TNRC6A: variants seen among roughly 807,000 people sequenced by gnomAD.
TNRC6A encodes trinucleotide repeat containing adaptor 6A, also known as trinucleotide repeat-containing gene 6A protein.
Under a neutral mutation model 221.2 loss-of-function variants are expected in TNRC6A, and 44 were observed. That is an observed-to-expected ratio of 0.20 (90% CI 0.16 to 0.26). The LOEUF (loss-of-function observed/expected upper bound fraction) is 0.26. Among genes scored for constraint, TNRC6A ranks in the 10% least tolerant of loss-of-function variants. The pLI, the probability that TNRC6A is intolerant of heterozygous loss-of-function variation, is 1.00. For missense variants in TNRC6A, 2,199 were observed against 2,404.4 expected (o/e 0.91, Z 1.79); for synonymous variants, 847 against 838.5 (o/e 1.01, Z -0.18).
intron 2 of TNRC6A, among the ~76,000 whole-genome samples, chr16:24,695,983 C>T (rs973699793): frequency 4.6e-5 from 7 of 152,008 alleles, no homozygotes; most frequent in African/African-American, 1.7e-4. Context: ...GATAGGATTA[C>T]GATGTTATTG....
chr16:24,634,397 T>C (rs1414964166), intron 1 of TNRC6A, among the ~76,000 whole-genome samples: 2 of 151,818 alleles, frequency 1.3e-5, no homozygotes, highest in African/African-American at 4.8e-5. Context: ...GCCACTACAC[T>C]CCAGCCTGGG....
At chr16:24,647,700 C>T (rs906027217) in intron 2 of TNRC6A, among the ~76,000 whole-genome samples, 5 of 152,182 alleles carry the variant, frequency 3.3e-5, no homozygotes, top group African/African-American at 9.7e-5. Context: ...CAACCTCTGC[C>T]TCCTGGGTTC....
chr16:24,666,658 AAAAAAAAAAAAT>A (rs1391278719), intron 2 of TNRC6A, among the ~76,000 whole-genome samples: 38 of 123,290 alleles, frequency 3.1e-4, no homozygotes, highest in African/African-American at 1.3e-3. Context: ...AAAAAAAAAA[AAAAAAAAAAAAT>A]ATATATATAT....
In TNRC6A at chr16:24,741,805, T is replaced by C. The variant is rs1246362702; in HGVS notation, c.54-8921T>C. 2.6e-5 allele frequency among the ~76,000 whole-genome samples: 4 copies of C among 152,122 alleles called. No individual in the cohort carries two copies. The East Asian group carries it at 5.8e-4, about 22-fold the overall frequency. On this transcript the variant is annotated intron_variant, in intron 2 of 24. Transcript: ENST00000395799. ...GCAGTGCTTTGTGCCTAGTCTCTCA[T>C]GGCTAGCAATTAGTGTACACTTTTT...
At chr16:24,781,780 A>G (rs536640285) in intron 5 of TNRC6A, among the ~76,000 whole-genome samples, 3 of 150,698 alleles carry the variant, frequency 2.0e-5, no homozygotes, top group South Asian at 2.1e-4. Context: ...TCCCTCTCCT[A>G]TATGTCTCAC....
chr16:24,785,511 A>G (rs187375078), intron 5 of TNRC6A, among the ~76,000 whole-genome samples: 43 of 152,244 alleles, frequency 2.8e-4, no homozygotes, highest in African/African-American at 9.6e-4. Context: ...CTCCTGGATT[A>G]TTTTTGGCAT....
In TNRC6A at chr16:24,815,078, T is replaced by G. The variant is rs2058627863; in HGVS notation, c.4673-69T>G. The G allele has an allele frequency of 2.6e-6, 4 of 1,552,576 alleles. No homozygotes were observed. In the Admixed American group the frequency reaches 7.4e-5, roughly 29 times the overall value. ...CTAATAGAAAGTGTTCATGCTACATTTGAAAAGCTATAAGAAATAAATCTG... is the reference window on the plus strand; with the variant it reads ...CTAATAGAAAGTGTTCATGCTACATGTGAAAAGCTATAAGAAATAAATCTG... On this transcript the variant is annotated intron_variant, in intron 18 of 24. Transcript: ENST00000395799.
At chr16:24,718,865 C>G (rs560195587) in intron 2 of TNRC6A, among the ~76,000 whole-genome samples, 1 of 151,542 alleles carries the variant, frequency 6.6e-6, no homozygotes. Flanking sequence ...GGTGAAACTG[C>G]GTCTCTACTA....
intron 2 of TNRC6A, among the ~76,000 whole-genome samples, chr16:24,646,791 A>T (rs767011833): frequency 1.4e-4 from 21 of 152,148 alleles, no homozygotes; most frequent in Non-Finnish European, 2.8e-4. Context: ...GTGGTATCTC[A>T]TGGCATGACT....
rs147611038 is a variant in TNRC6A at position 24,617,185 on chromosome 16, G to C, written n.276+6701G>C. On this transcript the variant is annotated intron_variant and non_coding_transcript_variant, in intron 1 of 2. Transcript: ENST00000566108. ...CTGTTGCCCAGGCTGGAGTGCAGTG[G>C]TGCAATCATAGCTCACTCCAGCCTC... Among the ~76,000 whole-genome samples the C allele has an allele frequency of 5.5e-3, 824 of 149,808 alleles. 10 individuals are homozygous for C. The highest frequency in any genetic ancestry group is 0.014 in the Middle Eastern group (4 of 294).
At chr16:24,653,179 C>T (rs868393403) in intron 2 of TNRC6A, among the ~76,000 whole-genome samples, 1 of 152,056 alleles carries the variant, frequency 6.6e-6, no homozygotes, top group Non-Finnish European at 1.5e-5. Context: ...ATAACCCCAA[C>T]AAAGACAGCA....
At chr16:24,658,140 G>A (rs2054956782) in intron 2 of TNRC6A, among the ~76,000 whole-genome samples, 1 of 152,074 alleles carries the variant, frequency 6.6e-6, no homozygotes, top group Non-Finnish European at 1.5e-5. Context: ...ACTCCTGTGG[G>A]TCTGGTGAAT....
chr16:24,675,702 C>CTCTATATA (rs1180245687), intron 2 of TNRC6A, among the ~76,000 whole-genome samples: 13 of 33,260 alleles, frequency 3.9e-4, no homozygotes, highest in Non-Finnish European at 4.7e-4. Flanking sequence ...CTCTCTCTCT[C>CTCTATATA]TATATATATA....
At chr16:24,639,380 C>G (rs934538448) in intron 1 of TNRC6A, among the ~76,000 whole-genome samples, 1 of 152,028 alleles carries the variant, frequency 6.6e-6, no homozygotes, top group Admixed American at 6.6e-5. Context: ...GTAATCCCAG[C>G]CACTTAGGAA....
At chr16:24,656,560 C>A (rs2054918545) in intron 2 of TNRC6A, among the ~76,000 whole-genome samples, 1 of 151,278 alleles carries the variant, frequency 6.6e-6, no homozygotes, top group African/African-American at 2.4e-5. Context: ...ATATATCAGG[C>A]CAAATAAAAA....
rs146947873 is a variant in TNRC6A, at chr16:24,776,231, A to G, written c.164-702A>G. Reference sequence around the variant, plus strand: ...TTTATTTCTTTCTTTCCACTCTTTTATGAGTCAAAAATTTCCCTATTTGCA... The same window carrying G: ...TTTATTTCTTTCTTTCCACTCTTTTGTGAGTCAAAAATTTCCCTATTTGCA... On this transcript the variant is annotated intron_variant, in intron 4 of 24. Coordinates refer to ENST00000395799, the MANE Select transcript of TNRC6A (RefSeq NM_014494.4). The G allele has an allele frequency of 1.3e-5, 13 of 980,194 alleles. No homozygotes were observed. In the South Asian group the frequency reaches 5.7e-4, roughly 43 times the overall value. The allele number at this position is 980,194 out of a possible 1,614,324, so 60.7% of individuals were successfully genotyped here. A position where few individuals can be genotyped will look rare whatever the true frequency, so the allele number is the denominator to read the frequency against.
chr16:24,755,921 A>ATAGTT (rs1596622865), intron 3 of TNRC6A, among the ~76,000 whole-genome samples: 1 of 152,172 alleles, frequency 6.6e-6, no homozygotes, highest in East Asian at 1.9e-4. Flanking sequence ...GTAGTGTTGT[A>ATAGTT]TAGTTTTTCA....
rs1344196260 is a variant in TNRC6A at position 24,761,347 on chromosome 16, G to A, written c.163+2987G>A. On this transcript the variant is annotated intron_variant, in intron 4 of 24. Transcript: ENST00000395799. Reference sequence around the variant, plus strand: ...AAATCTTTTAAAATATGTCTCTTACGAGTATGTCCTTGAAACAGCAGGAGA... The same window carrying A: ...AAATCTTTTAAAATATGTCTCTTACAAGTATGTCCTTGAAACAGCAGGAGA... Among the ~76,000 whole-genome samples, 6 of 152,146 alleles carry A rather than the reference G, an allele frequency of 3.9e-5. No homozygotes were observed. The East Asian group carries it at 5.8e-4, about 15-fold the overall frequency.
chr16:24,660,277 T>C (rs1264001207), intron 2 of TNRC6A, among the ~76,000 whole-genome samples: 1 of 152,144 alleles, frequency 6.6e-6, no homozygotes, highest in Non-Finnish European at 1.5e-5. Context: ...GTCATTCTTA[T>C]GCCTTTGCAT....
Sources: gnomAD v4.1 joint callset for allele counts (sites outside exome capture counted in the v4.1 genomes callset) on GRCh38, gnomAD v4.1.1 for gene constraint, MANE v1.5 for transcripts, NCBI Gene and HGNC (gene_info 2026-07-23, HGNC 2026-07-21) for gene names.